The following MMEL1 variants were observed in gnomAD, a reference collection of about 807,000 sequenced individuals.
MMEL1 encodes the protein membrane metalloendopeptidase like 1.
Under a neutral mutation model 117.1 loss-of-function variants are expected in MMEL1, and 98 were observed. The ratio of observed to expected loss-of-function variants is 0.84; its 90% CI spans 0.71 to 0.99. MMEL1 has a LOEUF of 0.99. Ranked by LOEUF, MMEL1 falls within the 50% of genes least tolerant of loss-of-function variation. The pLI is 0.00. For missense variants in MMEL1, 1,014 were observed against 1,049.1 expected, an observed-to-expected ratio of 0.97 and a Z score of 0.46; for synonymous variants, 390 against 415.1, an observed-to-expected ratio of 0.94 and a Z score of 0.74.
chr1:2,599,152 G>T (rs990732292), intron 11 of MMEL1, among the ~76,000 whole-genome samples: 1 of 152,214 alleles, frequency 6.6e-6, no homozygotes, highest in African/African-American at 2.4e-5. Context: ...GGCTTCACCA[G>T]TGGATTCTAT....
At chr1:2,594,485 G>T in intron 17 of MMEL1, 42 bp from the exon 18 acceptor site, 1 of 1,549,708 alleles carries the variant, frequency 6.5e-7, no homozygotes, top group Non-Finnish European at 8.7e-7. Context: ...CCTCTCCGGG[G>T]ACCCTCCCTC....
In MMEL1 at chr1:2,629,354, C is replaced by A. The variant is rs1477705866; in HGVS notation, c.131G>T (p.Gly44Val). The change falls in exon 2 of 24, where the codon GGT becomes GTT. Residue 44 changes from glycine to valine, a missense_variant. Coordinates refer to ENST00000378412, the MANE Select transcript of MMEL1 (RefSeq NM_033467.4). ...LLVTAALVAL[G>V]VLYADRRGKQ... The stretch of plus-strand genomic sequence containing the variant: ...ACCTCTGCGGTCGGCGTAGAGGACA[C>A]CCAAGGCCACCAGGGCAGCGGTCAC... The A allele has an allele frequency of 2.1e-5, 32 of 1,542,514 alleles. No individual in the cohort carries two copies. The East Asian group carries it at 7.9e-4, about 38-fold the overall frequency.
chr1:2,607,968 T>A (rs1172030456), intron 6 of MMEL1, among the ~76,000 whole-genome samples: 1 of 152,150 alleles, frequency 6.6e-6, no homozygotes, highest in Non-Finnish European at 1.5e-5. Flanking sequence ...GGTTCCCGGC[T>A]GGGCTGCCGG....
Position 2,629,407 on chromosome 1 carries a change from C to A in MMEL1, c.78G>T (p.Glu26Asp), listed in dbSNP as rs567729151. The A allele has an allele frequency of 2.6e-6, 4 of 1,546,330 alleles. No individual in the cohort carries two copies. Among genetic ancestry groups the A allele is most frequent in the Admixed American group, 2.0e-5 (1 of 50,940 alleles). The change falls in exon 2 of 24, where the codon GAG becomes GAT. Residue 26 changes from glutamate (E) to aspartate (D), a missense_variant. By Grantham distance (45) the Glu-to-Asp change is conservative (BLOSUM62 2). Transcript: ENST00000378412. ...RAGQKRPGFLEGGLLLLLLLV... is the reference protein window; with the variant it reads ...RAGQKRPGFLDGGLLLLLLLV... The stretch of plus-strand genomic sequence containing the variant: ...GCAGCAGCAGCAGCAGCAGCCCCCC[C>A]TCCAGGAACCCCGGGCGCTTCTGCC...
intron 1 of MMEL1, among the ~76,000 whole-genome samples, chr1:2,632,030 C>T (rs1464515984): frequency 6.6e-6 from 1 of 152,280 alleles, no homozygotes; most frequent in South Asian, 2.1e-4. Flanking sequence ...CCTCTTTGGC[C>T]CTCCTCCCCT....
chr1:2,607,084 A>G lies in MMEL1; in HGVS notation c.536-15T>C. ...CTCTATCACACCTGAGAAGGGACGC[A>G]GTGGTCACTCTCCCAGCCTCCCTGT... On this transcript the variant is annotated splice_polypyrimidine_tract_variant and intron_variant, in intron 6 of 23. Transcript: ENST00000378412. The G allele has an allele frequency of 6.2e-7, 1 of 1,605,522 alleles. No individual in the cohort carries two copies.
rs775288531 is a variant in MMEL1, at chr1:2,612,231, C to T, written c.155-27G>A. The stretch of plus-strand genomic sequence containing the variant: ...TGGGGAGAAACACAGCGCTCAGCTG[C>T]GGCCTCCTGCCTGCAGCTCCCTGGG... On this transcript the variant is annotated intron_variant, in intron 2 of 23. Coordinates refer to ENST00000378412, the MANE Select transcript of MMEL1 (RefSeq NM_033467.4). This position sits in a 1 kb window ranked among gnomAD's most constrained non-coding sequence, Gnocchi z 5.4. 52 of 1,551,916 alleles carry T rather than the reference C, an allele frequency of 3.4e-5. No individual in the cohort carries two copies. The highest frequency in any genetic ancestry group is 2.2e-4 in the East Asian group (9 of 41,314).
chr1:2,609,034 TACACACACACACAC>T (rs70956312), intron 6 of MMEL1, among the ~76,000 whole-genome samples: 42,380 of 144,696 alleles, frequency 0.29, 6,408 homozygotes, highest in East Asian at 0.48. Context: ...ATCCATATAA[TACACACACACACAC>T]ACACACACAC....
At chr1:2,597,035 C>G (rs1254173042) in intron 13 of MMEL1, among the ~76,000 whole-genome samples, 2 of 152,098 alleles carry the variant, frequency 1.3e-5, no homozygotes, top group Admixed American at 1.3e-4. Flanking sequence ...GCGCTGACCC[C>G]AGAGCAAGGC....
At chr1:2,631,381 G>C (rs1638573445) in intron 1 of MMEL1, among the ~76,000 whole-genome samples, 1 of 151,934 alleles carries the variant, frequency 6.6e-6, no homozygotes, top group South Asian at 2.1e-4. Flanking sequence ...ATGTGCTTCC[G>C]CCCCCCTGTA....
rs1448180756 is a variant in MMEL1, at chr1:2,609,658, G to A, written c.454+12C>T. 5.0e-6 allele frequency: 8 copies of A among 1,601,458 alleles called. No individual in the cohort carries two copies. The highest frequency in any genetic ancestry group is 5.1e-6 in the Non-Finnish European group (6 of 1,173,156). ...GCGTCACCCCACTGCACCCCCGGCC[G>A]TGCTCTGCCACCTTTGAGGATGACC... On this transcript the variant is annotated intron_variant, in intron 5 of 23. Coordinates refer to ENST00000378412, the MANE Select transcript of MMEL1 (RefSeq NM_033467.4).
chr1:2,602,833 C>T (rs1644955363), intron 11 of MMEL1, among the ~76,000 whole-genome samples: 2 of 152,226 alleles, frequency 1.3e-5, no homozygotes, highest in Admixed American at 1.3e-4. Flanking sequence ...TGGTTCTCTG[C>T]AAGGCTTTAC....
chr1:2,606,778 A>G (rs940265043), intron 7 of MMEL1, among the ~76,000 whole-genome samples, 196 bp downstream of exon 7: 3 of 152,120 alleles, frequency 2.0e-5, no homozygotes, highest in African/African-American at 7.2e-5. Context: ...ACGGGGCACC[A>G]ACTCCCCAGC....
At position 2,606,372 on chromosome 1, in the gene MMEL1, G is replaced by A. The variant is rs984159792; in HGVS notation, c.632-6C>T. 1.2e-6 allele frequency: 2 copies of A among 1,609,022 alleles called. No individual in the cohort carries two copies. Among genetic ancestry groups the A allele is most frequent in the African/African-American group, 2.7e-5 (2 of 75,028 alleles). ...CTCCAGCTCCCACTCGAGTCCTGGG[G>A]AGACAGTGCCCCGCACTGGAGACTG... On this transcript the variant is annotated splice_region_variant and splice_polypyrimidine_tract_variant and intron_variant, in intron 7 of 23. Transcript: ENST00000378412.
chr1:2,604,135 C>CCCCCCCCCAAAAAAG lies in MMEL1; in HGVS notation c.951+11_951+12insCTTTTTTGGGGGGGG. The CCCCCCCCCAAAAAAG allele has an allele frequency of 1.3e-6, 2 of 1,520,158 alleles. No homozygotes were observed. The highest frequency in any genetic ancestry group is 1.8e-6 in the Non-Finnish European group (2 of 1,100,350). 94.2% of individuals were successfully genotyped at this position (1,520,158 alleles called of 1,614,324 possible). The stretch of plus-strand genomic sequence containing the variant: ...CTCGCTGCCCGCTCCCCACCCGCCC[C>CCCCCCCCCAAAAAAG]GGCCCCCTTACCTTGGCCAGCTGTG... On this transcript the variant is annotated intron_variant, in intron 10 of 23. Coordinates refer to ENST00000378412, the MANE Select transcript of MMEL1 (RefSeq NM_033467.4).
intron 3 of MMEL1, 86 bp from the exon 4 acceptor site, chr1:2,611,426 T>G (rs1645127051): frequency 4.8e-5 from 12 of 252,272 alleles, no homozygotes; most frequent in South Asian, 3.2e-4. Flanking sequence ...CAAGGTCTGG[T>G]GGGTGTGGCA....
In MMEL1 at chr1:2,607,082, G is replaced by T. The variant is rs190525076; in HGVS notation, c.536-13C>A. 3 of 1,606,444 alleles carry T rather than the reference G, an allele frequency of 1.9e-6. No individual in the cohort carries two copies. Among genetic ancestry groups the T allele is most frequent in the Admixed American group, 1.7e-5 (1 of 60,008 alleles). On this transcript the variant is annotated splice_polypyrimidine_tract_variant and intron_variant, in intron 6 of 23. Transcript: ENST00000378412. ...TTCTCTATCACACCTGAGAAGGGAC[G>T]CAGTGGTCACTCTCCCAGCCTCCCT...
intron 13 of MMEL1, among the ~76,000 whole-genome samples, chr1:2,597,065 A>G (rs1404177074): frequency 6.6e-6 from 1 of 151,998 alleles, no homozygotes; most frequent in Non-Finnish European, 1.5e-5. Context: ...CGTCCCTCTC[A>G]GCCACCAGCT....
intron 8 of MMEL1, among the ~76,000 whole-genome samples, chr1:2,605,990 C>T (rs756532366): frequency 6.6e-6 from 1 of 152,188 alleles, no homozygotes; most frequent in Non-Finnish European, 1.5e-5. Context: ...CGGTTCCAGC[C>T]CCGCTGTTCA....
Sources: allele counts gnomAD v4.1 joint callset (sites outside exome capture counted in the v4.1 genomes callset), GRCh38; gene constraint gnomAD v4.1.1; non-coding constraint Gnocchi (gnomAD v3.1); transcripts MANE v1.5; gene names NCBI Gene and HGNC (gene_info 2026-07-23, HGNC 2026-07-21).